Variants in NEURL1 observed in about 807,000 individuals in gnomAD.
NEURL1 encodes the protein E3 ubiquitin-protein ligase NEURL1.
In NEURL1, 26 loss-of-function variants were observed where a neutral mutation model predicts 41.2. The ratio of observed to expected loss-of-function variants is 0.63; its 90% confidence interval spans 0.46 to 0.87. The LOEUF is 0.87. Ranked by LOEUF, NEURL1 falls within the 40% of genes least tolerant of loss-of-function variation. NEURL1 has a pLI of 0.00. For synonymous variants in NEURL1, 400 were observed against 402.3 expected (o/e 0.99, Z 0.07); for missense variants, 761 against 871.1 (o/e 0.87, Z 1.59).
intron 1 of NEURL1, chr10:103,550,751 C>A (rs748858337): frequency 6.6e-6 from 1 of 152,250 alleles, no homozygotes; most frequent in Non-Finnish European, 1.5e-5. Flanking sequence ...GTTGCCCTTT[C>A]CTGGATGGAG....
At chr10:103,579,904 C>T (rs2035749139) in intron 3 of NEURL1, among the ~76,000 whole-genome samples, 1 of 152,150 alleles carries the variant, frequency 6.6e-6, no homozygotes, top group African/African-American at 2.4e-5. Flanking sequence ...CTAGATCGTG[C>T]CACTGCACTC....
intron 3 of NEURL1, among the ~76,000 whole-genome samples, chr10:103,582,801 G>A (rs1234464827): frequency 6.6e-6 from 1 of 152,208 alleles, no homozygotes; most frequent in African/African-American, 2.4e-5. Context: ...CCAAAGGAAG[G>A]GATCGGTCCA....
intron 4 of NEURL1, 65 bp downstream of exon 4, chr10:103,585,290 G>A (rs2035895742): frequency 6.7e-6 from 9 of 1,333,506 alleles, no homozygotes; most frequent in Admixed American, 2.9e-5. Context: ...CCGGGTAGGA[G>A]ACAAAGGGCG....
At chr10:103,507,271 T>G (rs1425738080) in intron 1 of NEURL1, among the ~76,000 whole-genome samples, 3 of 152,116 alleles carry the variant, frequency 2.0e-5, no homozygotes, top group African/African-American at 7.2e-5. Context: ...GCTCCTCTGC[T>G]TAGAGTGTGA....
intron 3 of NEURL1, 98 bp downstream of exon 3, chr10:103,571,920 C>A (rs2035560034): frequency 3.3e-6 from 4 of 1,196,050 alleles, no homozygotes; most frequent in Non-Finnish European, 4.6e-6. Context: ...GCGTAGGGAC[C>A]CCTCTCTGAC....
chr10:103,529,372 G>A lies in NEURL1; in HGVS notation c.85+34900G>A, dbSNP rs547509761. On this transcript the variant is annotated intron_variant, in intron 1 of 5. Transcript: ENST00000369780. ...GAGCTGGGTAAATTTCTCTCCTCTCGAGGTCCCAAGATAACTTGGGGCTCC... is the reference window on the plus strand; with the variant it reads ...GAGCTGGGTAAATTTCTCTCCTCTCAAGGTCCCAAGATAACTTGGGGCTCC... Among the ~76,000 whole-genome samples, 15 of 152,208 alleles carry A rather than the reference G, an allele frequency of 9.9e-5. No individual in the cohort carries two copies. The South Asian group carries it at 3.1e-3, about 32-fold the overall frequency.
intron 1 of NEURL1, among the ~76,000 whole-genome samples, chr10:103,513,206 G>A (rs1321255683): frequency 6.6e-6 from 1 of 152,180 alleles, no homozygotes; most frequent in Non-Finnish European, 1.5e-5. Context: ...GGGGAGCACT[G>A]GCCTCTCCCT....
chr10:103,506,259 G>T (rs1446660540), intron 1 of NEURL1, among the ~76,000 whole-genome samples: 2 of 152,220 alleles, frequency 1.3e-5, no homozygotes, highest in Non-Finnish European at 2.9e-5. Context: ...AGGGCATGGG[G>T]CAGTCCAGAG....
chr10:103,586,697 T>C (rs969708112), intron 4 of NEURL1, among the ~76,000 whole-genome samples: 7 of 152,156 alleles, frequency 4.6e-5, no homozygotes, highest in Non-Finnish European at 8.8e-5. Context: ...TAAAAAACAT[T>C]GGGGACTTCC....
chr10:103,561,797 C>T (rs894668451), intron 1 of NEURL1, among the ~76,000 whole-genome samples: 30 of 152,196 alleles, frequency 2.0e-4, no homozygotes, highest in Non-Finnish European at 2.9e-5. Context: ...ACCCTCATGG[C>T]CTTCCTTATC....
chr10:103,542,282 G>T (rs1324696657), intron 1 of NEURL1, among the ~76,000 whole-genome samples: 1 of 152,146 alleles, frequency 6.6e-6, no homozygotes, highest in Non-Finnish European at 1.5e-5. Context: ...GTTTTTTTGA[G>T]ACAGAGTCTC....
rs1413427615 is a variant in NEURL1 at position 103,590,756 on chromosome 10, A to C, written c.*384A>C. 3 of 261,020 alleles carry C rather than the reference A, an allele frequency of 1.1e-5. No individual in the cohort carries two copies. Among genetic ancestry groups the C allele is most frequent in the African/African-American group, 2.2e-5 (1 of 45,088 alleles). 16.2% of individuals were successfully genotyped at this position (261,020 alleles called of 1,614,324 possible). A position where few individuals can be genotyped will look rare whatever the true frequency, so the allele number is the denominator to read the frequency against. ...CCTTTGTGAGAATTAGAAAACATGT[A>C]CCTTCCTCTGGGCAGCTGCAGCCCT... On this transcript the variant is annotated 3_prime_UTR_variant, in exon 6 of 6. Coordinates refer to ENST00000369780, the MANE Select transcript of NEURL1 (RefSeq NM_004210.5).
chr10:103,539,039 C>T (rs753007728), intron 1 of NEURL1, among the ~76,000 whole-genome samples: 1 of 151,684 alleles, frequency 6.6e-6, no homozygotes, highest in African/African-American at 2.4e-5. Context: ...CTCGACCTCC[C>T]AGGCTCAAGC....
intron 4 of NEURL1, 143 bp downstream of exon 4, chr10:103,585,368 G>C: frequency 1.3e-6 from 1 of 776,684 alleles, no homozygotes; most frequent in Admixed American, 3.3e-5. Context: ...TGAGTTCTGG[G>C]CGGGACTTGG....
At chr10:103,497,939 A>G (rs2033725609) in intron 1 of NEURL1, among the ~76,000 whole-genome samples, 2 of 152,142 alleles carry the variant, frequency 1.3e-5, no homozygotes, top group South Asian at 2.1e-4. Flanking sequence ...CATGGAGGGA[A>G]CTGCAGGAAC....
chr10:103,578,620 A>G lies in NEURL1; in HGVS notation c.650-5916A>G, dbSNP rs577589446. Among the ~76,000 whole-genome samples the G allele has an allele frequency of 3.9e-5, 6 of 152,358 alleles. No individual in the cohort carries two copies. The East Asian group carries it at 1.2e-3, about 29-fold the overall frequency. On this transcript the variant is annotated intron_variant, in intron 3 of 5. Coordinates refer to ENST00000369780, the MANE Select transcript of NEURL1 (RefSeq NM_004210.5). ...GAGACCCACTAGACCAGATGATTCT[A>G]TAAATCTATGAGATCCCGTGGCTTG... is the stretch of plus-strand genomic sequence containing the variant.
chr10:103,510,850 C>A (rs1474604934), intron 1 of NEURL1, among the ~76,000 whole-genome samples: 1 of 152,158 alleles, frequency 6.6e-6, no homozygotes, highest in Non-Finnish European at 1.5e-5. Flanking sequence ...CTCTGGGAAG[C>A]CCTCTTCCTT....
Position 103,495,697 on chromosome 10 carries a change from A to T in NEURL1, c.85+1225A>T, listed in dbSNP as rs146902629. On this transcript the variant is annotated intron_variant, in intron 1 of 5. Coordinates refer to ENST00000369780, the MANE Select transcript of NEURL1 (RefSeq NM_004210.5). ...AGGAGAGATAGGACCACTGTCCTGC[A>T]TTCTAATACTCCAGCTCTTTCAGAA... 7.8e-3 allele frequency among the ~76,000 whole-genome samples: 1,189 copies of T among 152,360 alleles called. 10 individuals carry two copies. The highest frequency in any genetic ancestry group is 0.027 in the African/African-American group (1,118 of 41,568).
chr10:103,538,677 C>T (rs1184572110), intron 1 of NEURL1, among the ~76,000 whole-genome samples: 4 of 146,030 alleles, frequency 2.7e-5, no homozygotes, highest in Admixed American at 6.8e-5. Flanking sequence ...GATGGTGTCT[C>T]GCTCTGACGC....
Sources: allele counts gnomAD v4.1 joint callset (sites outside exome capture counted in the v4.1 genomes callset), GRCh38; gene constraint gnomAD v4.1.1; transcripts MANE v1.5; gene names NCBI Gene and HGNC (gene_info 2026-07-23, HGNC 2026-07-21).